The following GRAMD1B variants were observed in gnomAD, a reference collection of about 807,000 sequenced individuals.
The protein encoded by GRAMD1B is protein Aster-B.
Under a neutral mutation model 99.7 loss-of-function variants are expected in GRAMD1B, and 37 were observed. That is an observed-to-expected ratio of 0.37 (90% CI 0.29 to 0.49). GRAMD1B has a LOEUF of 0.49. GRAMD1B is among the 20% of genes least tolerant of loss of function. GRAMD1B has a pLI of 0.98. For synonymous variants in GRAMD1B, 427 were observed against 387.6 expected, an observed-to-expected ratio of 1.10 and a Z score of -1.19; for missense variants, 888 against 1,009.2, an observed-to-expected ratio of 0.88 and a Z score of 1.63.
At chr11:123,428,363 G>A (rs150298357), upstream of GRAMD1B, among the ~76,000 whole-genome samples, 192 of 152,304 alleles carry the variant, frequency 1.3e-3, no homozygotes, top group Non-Finnish European at 1.9e-3. Flanking sequence ...CCTGACACCT[G>A]ATGGCAAGGG....
At chr11:123,397,140 C>T (rs2135892558) in intron 1 of GRAMD1B, among the ~76,000 whole-genome samples, 1 of 152,184 alleles carries the variant, frequency 6.6e-6, no homozygotes, top group African/African-American at 2.4e-5. Context: ...GTGGTGTCCC[C>T]CGCCTGTAAT....
At chr11:123,407,897 T>C (rs1246471596) in intron 1 of GRAMD1B, among the ~76,000 whole-genome samples, 1 of 152,158 alleles carries the variant, frequency 6.6e-6, no homozygotes, top group African/African-American at 2.4e-5. Context: ...CCATAGACAA[T>C]AGGCAAATGG....
chr11:123,403,176 G>A lies in GRAMD1B; in HGVS notation c.-176+44377G>A, dbSNP rs546978531. ...ACGGAGGCTCACGCCTGTAATCCCA[G>A]CACTTTGGGAGGCCGAGGCTGGTGG... On this transcript the variant is annotated intron_variant, in intron 1 of 20. Coordinates refer to the GRAMD1B transcript ENST00000638157. Among the ~76,000 whole-genome samples, 3 of 152,188 alleles carry A rather than the reference G, an allele frequency of 2.0e-5. No individual in the cohort carries two copies. The East Asian group carries it at 5.8e-4, about 30-fold the overall frequency.
At chr11:123,383,348 C>T (rs1946949439) in intron 1 of GRAMD1B, among the ~76,000 whole-genome samples, 1 of 152,102 alleles carries the variant, frequency 6.6e-6, no homozygotes, top group Admixed American at 6.5e-5. Context: ...ATCATATTAG[C>T]TTGAAATTTT....
rs556755961 is a variant in GRAMD1B, at chr11:123,568,876, C to A, written c.453-8491C>A. ...GAACTGGACCCGGTGGCAGTTATCACCAGGCTTAGATGCCAGCGATAGGCA... is the reference window on the plus strand; with the variant it reads ...GAACTGGACCCGGTGGCAGTTATCAACAGGCTTAGATGCCAGCGATAGGCA... On this transcript the variant is annotated intron_variant, in intron 2 of 19. Transcript: ENST00000635736. Among the ~76,000 whole-genome samples the A allele has an allele frequency of 3.1e-4, 47 of 152,328 alleles. No homozygotes were observed. The South Asian group carries it at 3.3e-3, about 11-fold the overall frequency.
intron 1 of GRAMD1B, among the ~76,000 whole-genome samples, chr11:123,401,472 C>G (rs369518436): frequency 6.6e-6 from 1 of 152,222 alleles, no homozygotes; most frequent in East Asian, 1.9e-4. Flanking sequence ...CTGCCTCCCA[C>G]GGGAGTTTGC....
chr11:123,478,229 C>T (rs932700689), intron 1 of GRAMD1B, among the ~76,000 whole-genome samples: 5 of 152,002 alleles, frequency 3.3e-5, no homozygotes, highest in African/African-American at 7.2e-5. Flanking sequence ...CCAGGCTGAT[C>T]AGGAACTCCT....
intron 2 of GRAMD1B, among the ~76,000 whole-genome samples, chr11:123,504,382 T>C (rs1940206833): frequency 1.3e-5 from 2 of 152,200 alleles, no homozygotes; most frequent in Non-Finnish European, 2.9e-5. Flanking sequence ...GTACTAGAGA[T>C]GACTGACCCC....
At chr11:123,489,892 A>G (rs1258762442) in intron 2 of GRAMD1B, among the ~76,000 whole-genome samples, 1 of 152,228 alleles carries the variant, frequency 6.6e-6, no homozygotes, top group African/African-American at 2.4e-5. Flanking sequence ...ATTACGCACT[A>G]TCGGCCAAGT....
chr11:123,559,313 T>C (rs1946459276), intron 2 of GRAMD1B, among the ~76,000 whole-genome samples: 1 of 152,172 alleles, frequency 6.6e-6, no homozygotes, highest in Non-Finnish European at 1.5e-5. Context: ...TCTCAAATAG[T>C]TGGGGTGTGA....
At chr11:123,517,068 C>T (rs1941740435) in intron 2 of GRAMD1B, among the ~76,000 whole-genome samples, 2 of 152,086 alleles carry the variant, frequency 1.3e-5, no homozygotes, top group Non-Finnish European at 2.9e-5. Context: ...TACAGGTGCA[C>T]ACCACCACGT....
chr11:123,384,248 A>T (rs1052671722), intron 1 of GRAMD1B, among the ~76,000 whole-genome samples: 1 of 152,256 alleles, frequency 6.6e-6, no homozygotes, highest in East Asian at 1.9e-4. Context: ...AACCCCCTGC[A>T]GATTTGTTTG....
At chr11:123,400,357 A>G (rs1375466530) in intron 1 of GRAMD1B, among the ~76,000 whole-genome samples, 1 of 152,076 alleles carries the variant, frequency 6.6e-6, no homozygotes, top group Non-Finnish European at 1.5e-5. Flanking sequence ...TGTACCTATA[A>G]TCCCAGCTAC....
chr11:123,468,101 A>G (rs970322275), intron 1 of GRAMD1B, among the ~76,000 whole-genome samples: 1 of 152,008 alleles, frequency 6.6e-6, no homozygotes, highest in Non-Finnish European at 1.5e-5. Flanking sequence ...TGACCTCGTG[A>G]TCCACCCGCC....
intron 1 of GRAMD1B, among the ~76,000 whole-genome samples, chr11:123,453,316 G>A (rs12222157): frequency 0.25 from 38,107 of 151,572 alleles, 5,039 homozygotes; most frequent in East Asian, 0.37. Context: ...GTATATGCAA[G>A]TATATATATC....
intron 1 of GRAMD1B, among the ~76,000 whole-genome samples, chr11:123,375,492 G>A (rs1341698640): frequency 6.6e-6 from 1 of 152,142 alleles, no homozygotes; most frequent in East Asian, 1.9e-4. Context: ...TAGATTTGTG[G>A]GGTTGGGGTA....
At chr11:123,570,530 T>C (rs768131215) in intron 2 of GRAMD1B, among the ~76,000 whole-genome samples, 4 of 151,774 alleles carry the variant, frequency 2.6e-5, no homozygotes, top group Non-Finnish European at 5.9e-5. Flanking sequence ...TTCAACTGAT[T>C]GTCTTGCCTA....
At chr11:123,374,777 G>A (rs1440499463) in intron 1 of GRAMD1B, among the ~76,000 whole-genome samples, 1 of 152,160 alleles carries the variant, frequency 6.6e-6, no homozygotes, top group Admixed American at 6.5e-5. Context: ...GCAATCCTAG[G>A]AATGAGCTAT....
chr11:123,412,014 TTA>T (rs1591463673), intron 1 of GRAMD1B, among the ~76,000 whole-genome samples: 3 of 152,166 alleles, frequency 2.0e-5, no homozygotes. Context: ...GAAAATTATG[TTA>T]TATATAAATA....
Sources: gnomAD v4.1 joint callset for allele counts (sites outside exome capture counted in the v4.1 genomes callset) on GRCh38, gnomAD v4.1.1 for gene constraint, MANE v1.5 for transcripts, NCBI Gene and HGNC (gene_info 2026-07-23, HGNC 2026-07-21) for gene names.